Variants in ZRANB3 observed in about 807,000 individuals in gnomAD.
ZRANB3 encodes zinc finger RANBP2-type containing 3.
Under a neutral mutation model 133.8 loss-of-function variants are expected in ZRANB3, and 125 were observed. The observed-to-expected ratio is 0.93, with a 90% confidence interval of 0.81 to 1.08. The LOEUF (loss-of-function observed/expected upper bound fraction) is 1.08. Ranked by LOEUF, ZRANB3 falls within the 50% of genes least tolerant of loss-of-function variation. ZRANB3 has a pLI of 0.00. For synonymous variants in ZRANB3, 387 were observed against 432.7 expected (o/e 0.89, Z 1.31); for missense variants, 1,229 against 1,275.5 (o/e 0.96, Z 0.56).
intron 15 of ZRANB3, among the ~76,000 whole-genome samples, chr2:135,222,269 G>C (rs978397838): frequency 5.1e-4 from 78 of 152,062 alleles, no homozygotes; most frequent in African/African-American, 1.9e-3. Flanking sequence ...TAGGTGTGGT[G>C]GTGGGTGCTG....
At chr2:135,510,739 C>G in intron 1 of ZRANB3, 1 of 802,198 alleles carries the variant, frequency 1.2e-6, no homozygotes, top group Admixed American at 1.7e-5. Flanking sequence ...GACCTCACCT[C>G]TGAACATGAT....
intron 1 of ZRANB3, chr2:135,510,821 A>G: frequency 2.4e-6 from 2 of 848,924 alleles, no homozygotes; most frequent in Non-Finnish European, 4.2e-6. Context: ...GTAATTTCCC[A>G]CCACTGTTAA....
chr2:135,248,560 C>G (rs1347940958), intron 12 of ZRANB3, among the ~76,000 whole-genome samples: 1 of 150,468 alleles, frequency 6.6e-6, no homozygotes, highest in East Asian at 1.9e-4. Flanking sequence ...TATCCAGCAT[C>G]TATAAGAAAC....
At chr2:135,530,127 T>G (rs2104854690) in intron 1 of ZRANB3, among the ~76,000 whole-genome samples, 1 of 148,828 alleles carries the variant, frequency 6.7e-6, no homozygotes, top group South Asian at 2.1e-4. Context: ...CTCCGGAGGC[T>G]GAGACAGGAG....
chr2:135,398,899 TTAAAG>T lies in ZRANB3; in HGVS notation c.162-8084_162-8080del, dbSNP rs1219860314. Among the ~76,000 whole-genome samples the T allele has an allele frequency of 5.9e-5, 9 of 152,144 alleles. No homozygotes were observed. The South Asian group carries it at 1.0e-3, about 17-fold the overall frequency. ...GGTTTTCATATACCTATCCAACCAATTAAAGTATTTTCCCTAAGTGATGACAACCA... is the reference window on the plus strand; with the variant it reads ...GGTTTTCATATACCTATCCAACCAATTATTTTCCCTAAGTGATGACAACCA... On this transcript the variant is annotated intron_variant, in intron 2 of 20. Coordinates refer to ENST00000264159, the MANE Select transcript of ZRANB3 (RefSeq NM_032143.4).
intron 2 of ZRANB3, among the ~76,000 whole-genome samples, chr2:135,422,873 G>A (rs1207099720): frequency 6.6e-6 from 1 of 152,132 alleles, no homozygotes; most frequent in Non-Finnish European, 1.5e-5. Context: ...TAGTTTCCAA[G>A]GGCTACTGTA....
chr2:135,311,469 G>A (rs1682969547), intron 8 of ZRANB3, among the ~76,000 whole-genome samples: 1 of 151,454 alleles, frequency 6.6e-6, no homozygotes, highest in East Asian at 1.9e-4. Flanking sequence ...TTTGCTCAAG[G>A]AAAATGAAAA....
chr2:135,442,166 A>C (rs1559001838), intron 2 of ZRANB3, among the ~76,000 whole-genome samples: 1 of 152,232 alleles, frequency 6.6e-6, no homozygotes, highest in East Asian at 1.9e-4. Context: ...CACCAAAAGC[A>C]ATGGCAACAA....
chr2:135,504,230 A>C (rs1312588243), intron 2 of ZRANB3, 99 bp downstream of exon 2: 4 of 1,383,848 alleles, frequency 2.9e-6, no homozygotes, highest in Admixed American at 1.8e-5. Context: ...CTACTAAAGA[A>C]AGACTGTGAA....
intron 13 of ZRANB3, among the ~76,000 whole-genome samples, chr2:135,229,628 A>G (rs1205645474): frequency 6.6e-6 from 1 of 152,026 alleles, no homozygotes; most frequent in African/African-American, 2.4e-5. Context: ...CGGCCTCCCA[A>G]AGTGCTGGGA....
At chr2:135,212,252 G>C (rs1412606524) in intron 17 of ZRANB3, among the ~76,000 whole-genome samples, 3 of 152,084 alleles carry the variant, frequency 2.0e-5, no homozygotes, top group Non-Finnish European at 2.9e-5. Context: ...TGCCCTTTTA[G>C]TTCCCAAATT....
intron 2 of ZRANB3, among the ~76,000 whole-genome samples, chr2:135,479,076 T>C (rs1160245239): frequency 6.6e-6 from 1 of 152,002 alleles, no homozygotes; most frequent in Non-Finnish European, 1.5e-5. Flanking sequence ...TATAAGACAG[T>C]TAACACTGTT....
intron 9 of ZRANB3, among the ~76,000 whole-genome samples, chr2:135,273,133 T>TGG (rs1558878091): frequency 6.9e-6 from 1 of 144,700 alleles, no homozygotes; most frequent in African/African-American, 2.6e-5. Flanking sequence ...TTGCAGCGAG[T>TGG]GGAGATCTAG....
intron 1 of ZRANB3, among the ~76,000 whole-genome samples, chr2:135,519,743 C>T (rs993532985): frequency 1.3e-5 from 2 of 152,046 alleles, no homozygotes; most frequent in Non-Finnish European, 2.9e-5. Flanking sequence ...GTGCTAGGCT[C>T]CAGATATATA....
At chr2:135,479,820 C>T (rs1337489179) in intron 2 of ZRANB3, among the ~76,000 whole-genome samples, 1 of 152,130 alleles carries the variant, frequency 6.6e-6, no homozygotes, top group Non-Finnish European at 1.5e-5. Flanking sequence ...TAATACTATT[C>T]AGAATGCCAA....
At chr2:135,299,676 A>G (rs1682337193) in intron 8 of ZRANB3, among the ~76,000 whole-genome samples, 1 of 152,220 alleles carries the variant, frequency 6.6e-6, no homozygotes, top group Admixed American at 6.5e-5. Flanking sequence ...ATCTAATAAC[A>G]CCACTAAGGA....
chr2:135,427,809 G>A (rs1481329721), intron 2 of ZRANB3, among the ~76,000 whole-genome samples: 2 of 152,072 alleles, frequency 1.3e-5, no homozygotes, highest in East Asian at 3.8e-4. Flanking sequence ...TATACTAAAA[G>A]GCTATAGTAA....
intron 2 of ZRANB3, among the ~76,000 whole-genome samples, chr2:135,452,314 T>A (rs1192187735): frequency 6.6e-6 from 1 of 152,110 alleles, no homozygotes; most frequent in Non-Finnish European, 1.5e-5. Context: ...GGAGATACAA[T>A]TCAAGTTGAG....
chr2:135,205,712 A>G (rs1449045814), intron 19 of ZRANB3, among the ~76,000 whole-genome samples: 1 of 152,238 alleles, frequency 6.6e-6, no homozygotes, highest in Non-Finnish European at 1.5e-5. Context: ...TTGGAAATGA[A>G]AGTGAATATT....
Sources: gnomAD v4.1 joint callset for allele counts (sites outside exome capture counted in the v4.1 genomes callset) on GRCh38, gnomAD v4.1.1 for gene constraint, MANE v1.5 for transcripts, NCBI Gene and HGNC (gene_info 2026-07-23, HGNC 2026-07-21) for gene names.